THRB: variants seen among roughly 807,000 people sequenced by gnomAD.
The protein encoded by THRB is nuclear receptor subfamily 1 group A member 2.
A neutral mutation model predicts 47.8 loss-of-function variants in THRB; 12 were observed. The observed-to-expected ratio is 0.25, with a 90% confidence interval of 0.16 to 0.41. The LOEUF is 0.41. Among genes scored for constraint, THRB ranks in the 10% least tolerant of loss-of-function variants. The pLI, the probability that THRB is intolerant of heterozygous loss-of-function variation, is 1.00. For synonymous variants in THRB, 218 were observed against 212.2 expected, an observed-to-expected ratio of 1.03 and a Z score of -0.24; for missense variants, 348 against 589.2, an observed-to-expected ratio of 0.59 and a Z score of 4.24.
intron 3 of THRB, among the ~76,000 whole-genome samples, chr3:24,248,015 T>C (rs1424763834): frequency 6.6e-6 from 1 of 151,842 alleles, no homozygotes; most frequent in Non-Finnish European, 1.5e-5. Flanking sequence ...CCTGTATCAG[T>C]GAGACACATT....
chr3:24,212,346 C>T (rs745358489), intron 4 of THRB, among the ~76,000 whole-genome samples: 3 of 151,820 alleles, frequency 2.0e-5, no homozygotes, highest in African/African-American at 4.8e-5. Context: ...TGTAGGGAGC[C>T]GAGATCGCTC....
At chr3:24,130,267 A>C (rs1234333292) in intron 9 of THRB, among the ~76,000 whole-genome samples, 3 of 152,214 alleles carry the variant, frequency 2.0e-5, no homozygotes, top group Admixed American at 2.0e-4. Flanking sequence ...ACTTGGATAG[A>C]TAAGCTTGCC....
chr3:24,300,127 A>G (rs1395575669), intron 2 of THRB, among the ~76,000 whole-genome samples: 1 of 152,060 alleles, frequency 6.6e-6, no homozygotes, highest in African/African-American at 2.4e-5. Flanking sequence ...TTTAGCATAT[A>G]CTCACAGGCA....
At chr3:24,472,286 T>G (rs939664651) in intron 1 of THRB, among the ~76,000 whole-genome samples, 5 of 152,206 alleles carry the variant, frequency 3.3e-5, no homozygotes, top group Non-Finnish European at 7.3e-5. Flanking sequence ...TGAGACCCTC[T>G]TAATCTACTC....
chr3:24,184,707 C>T (rs1203997747), intron 5 of THRB, among the ~76,000 whole-genome samples: 1 of 152,082 alleles, frequency 6.6e-6, no homozygotes, highest in Admixed American at 6.5e-5. Flanking sequence ...TGCTAAGGTT[C>T]CCAGAGTGCC....
At chr3:24,127,151 G>T (rs148327520) in intron 10 of THRB, among the ~76,000 whole-genome samples, 1 of 152,156 alleles carries the variant, frequency 6.6e-6, no homozygotes, top group Non-Finnish European at 1.5e-5. Flanking sequence ...ACACACAATC[G>T]TGTGGTCACT....
chr3:24,385,147 C>T (rs1366881341), intron 1 of THRB, among the ~76,000 whole-genome samples: 10 of 151,962 alleles, frequency 6.6e-5, no homozygotes, highest in Admixed American at 6.6e-4. Context: ...AATAAGAATT[C>T]CATTACAAAT....
intron 3 of THRB, among the ~76,000 whole-genome samples, chr3:24,294,921 A>G (rs75306848): frequency 0.026 from 3,904 of 152,292 alleles, 167 homozygotes; most frequent in African/African-American, 0.089. Context: ...ACAATCATCC[A>G]AGGTGCTAAA....
At position 24,127,487 on chromosome 3, in the gene THRB, A is replaced by T. The variant is rs1365942076; in HGVS notation, c.1144+12T>A. 1.2e-6 allele frequency: 2 copies of T among 1,614,108 alleles called. No homozygotes were observed. The highest frequency in any genetic ancestry group is 4.5e-5 in the East Asian group (2 of 44,884). ...TCTTTGGATGCCCACTAACGAGTCT[A>T]GGCGTACTCACCTGAAGACATCAGC... On this transcript the variant is annotated intron_variant, in intron 10 of 10. Coordinates refer to ENST00000646209, the MANE Select transcript of THRB (RefSeq NM_001354712.2).
intron 3 of THRB, among the ~76,000 whole-genome samples, chr3:24,259,681 A>G (rs111567994): frequency 1.9e-3 from 244 of 130,444 alleles, no homozygotes; most frequent in African/African-American, 7.1e-3. Context: ...TATTTCCCAT[A>G]TCAGAGACTA....
chr3:24,239,322 G>A (rs536964824), intron 3 of THRB, among the ~76,000 whole-genome samples: 17 of 152,068 alleles, frequency 1.1e-4, no homozygotes, highest in Admixed American at 8.5e-4. Flanking sequence ...TTTCTGTGAG[G>A]TGTCAGGTGC....
chr3:24,144,026 A>G (rs1414136157), intron 7 of THRB: 10 of 397,508 alleles, frequency 2.5e-5, no homozygotes, highest in Middle Eastern at 1.5e-3. Flanking sequence ...GGTAAAATCC[A>G]TACTACCCAC....
chr3:24,251,140 A>G (rs1053350794), intron 3 of THRB, among the ~76,000 whole-genome samples: 1 of 152,124 alleles, frequency 6.6e-6, no homozygotes, highest in Non-Finnish European at 1.5e-5. Flanking sequence ...TTATTGCTAG[A>G]TATGTAAAGA....
At chr3:24,387,943 TC>T (rs1421820221) in intron 1 of THRB, among the ~76,000 whole-genome samples, 1 of 152,042 alleles carries the variant, frequency 6.6e-6, no homozygotes, top group Non-Finnish European at 1.5e-5. Context: ...GATTGTCAGG[TC>T]AGTTCAATGT....
At chr3:24,319,488 T>C (rs1253324094) in intron 2 of THRB, among the ~76,000 whole-genome samples, 1 of 152,188 alleles carries the variant, frequency 6.6e-6, no homozygotes, top group Non-Finnish European at 1.5e-5. Flanking sequence ...TATTATGTAA[T>C]ATGTAAAAGA....
At chr3:24,335,386 ACT>A (rs1374085570) in intron 2 of THRB, among the ~76,000 whole-genome samples, 1 of 152,104 alleles carries the variant, frequency 6.6e-6, no homozygotes, top group Admixed American at 6.5e-5. Flanking sequence ...ATCTTCAGAA[ACT>A]CTGCGTAATG....
At chr3:24,212,434 T>C (rs1449577306) in intron 4 of THRB, among the ~76,000 whole-genome samples, 1 of 150,190 alleles carries the variant, frequency 6.7e-6, no homozygotes, top group African/African-American at 2.5e-5. Flanking sequence ...AAACGAAAAT[T>C]AGCCAGGCAT....
At chr3:24,256,656 T>C (rs2051315799) in intron 3 of THRB, among the ~76,000 whole-genome samples, 1 of 152,162 alleles carries the variant, frequency 6.6e-6, no homozygotes, top group Non-Finnish European at 1.5e-5. Flanking sequence ...TGGACACCTC[T>C]ACTGTACTTG....
chr3:24,315,154 C>G (rs1426199107), intron 2 of THRB, among the ~76,000 whole-genome samples: 5 of 152,252 alleles, frequency 3.3e-5, no homozygotes, highest in African/African-American at 1.2e-4. Flanking sequence ...CATTGGAAGC[C>G]CATGCCCTGA....
Sources: gnomAD v4.1 joint callset for allele counts (sites outside exome capture counted in the v4.1 genomes callset) on GRCh38, gnomAD v4.1.1 for gene constraint, MANE v1.5 for transcripts, NCBI Gene and HGNC (gene_info 2026-07-23, HGNC 2026-07-21) for gene names.